Variants in PID1 observed in about 807,000 individuals in gnomAD.
PID1 encodes PTB-containing, cubilin and LRP1-interacting protein.
PID1 carries 10 observed loss-of-function variants against 19.1 expected under a neutral mutation model. The ratio of observed to expected loss-of-function variants is 0.52; its 90% CI spans 0.32 to 0.89. The LOEUF is 0.89. PID1 is among the 40% of genes least tolerant of loss of function. PID1 has a pLI of 0.03. For missense variants in PID1, 248 were observed against 285.3 expected (o/e 0.87, Z 0.94); for synonymous variants, 130 against 116.0 (o/e 1.12, Z -0.78).
chr2:229,266,213 T>C (rs999332996), intron 1 of PID1, among the ~76,000 whole-genome samples: 5 of 152,166 alleles, frequency 3.3e-5, no homozygotes, highest in African/African-American at 1.2e-4. Context: ...ATAATAGCTG[T>C]TGCTTTTTTC....
At chr2:229,081,373 G>A (rs1694666329) in intron 2 of PID1, among the ~76,000 whole-genome samples, 2 of 152,182 alleles carry the variant, frequency 1.3e-5, no homozygotes, top group African/African-American at 4.8e-5. Flanking sequence ...AACATAAAAT[G>A]TACAGTGCTT....
intron 2 of PID1, among the ~76,000 whole-genome samples, chr2:229,142,379 T>C (rs1690033693): frequency 6.6e-6 from 1 of 152,276 alleles, no homozygotes; most frequent in East Asian, 1.9e-4. Flanking sequence ...TGTCCTTCAA[T>C]ATGTATCGCC....
chr2:229,102,489 G>A (rs993406233), intron 2 of PID1, among the ~76,000 whole-genome samples: 1 of 152,150 alleles, frequency 6.6e-6, no homozygotes, highest in Admixed American at 6.5e-5. Flanking sequence ...GGAGGAAAGC[G>A]AGACTTAAGC....
At chr2:229,153,785 A>G (rs1251981979) in intron 2 of PID1, among the ~76,000 whole-genome samples, 1 of 152,138 alleles carries the variant, frequency 6.6e-6, no homozygotes, top group Non-Finnish European at 1.5e-5. Context: ...TTAGATTGCT[A>G]GGTATTTTTA....
chr2:229,033,201 C>T (rs985467454), intron 2 of PID1, among the ~76,000 whole-genome samples: 2 of 152,004 alleles, frequency 1.3e-5, no homozygotes, highest in African/African-American at 4.8e-5. Context: ...AAAAGGGTAA[C>T]GTCAAGGGTT....
chr2:229,150,558 T>C (rs1204984897), intron 2 of PID1, among the ~76,000 whole-genome samples: 1 of 152,230 alleles, frequency 6.6e-6, no homozygotes, highest in Non-Finnish European at 1.5e-5. Flanking sequence ...ATTTCTCTTC[T>C]GGGTTACTTC....
chr2:229,211,473 T>C (rs918577400), intron 1 of PID1, among the ~76,000 whole-genome samples: 3 of 152,200 alleles, frequency 2.0e-5, no homozygotes, highest in African/African-American at 2.4e-5. Context: ...TTAAACAGAC[T>C]ACACGAGTAA....
intron 2 of PID1, among the ~76,000 whole-genome samples, chr2:229,140,111 C>A (rs971088316): frequency 6.6e-6 from 1 of 152,012 alleles, no homozygotes; most frequent in Non-Finnish European, 1.5e-5. Flanking sequence ...ATGTCCACCC[C>A]GGAAGCTACA....
At chr2:229,178,320 G>A (rs969485397) in intron 1 of PID1, among the ~76,000 whole-genome samples, 1 of 152,176 alleles carries the variant, frequency 6.6e-6, no homozygotes, top group Admixed American at 6.5e-5. Flanking sequence ...GAGCTGCTCA[G>A]GACAGGCATC....
At chr2:229,150,103 G>A (rs138545754) in intron 2 of PID1, among the ~76,000 whole-genome samples, 2,088 of 151,910 alleles carry the variant, frequency 0.014, 45 homozygotes, top group African/African-American at 0.045. Context: ...GCCTGGTGGC[G>A]GATGCCTGCA....
chr2:229,047,703 G>A (rs1206258266), intron 2 of PID1, among the ~76,000 whole-genome samples: 6 of 152,164 alleles, frequency 3.9e-5, no homozygotes, highest in Admixed American at 3.9e-4. Flanking sequence ...TTATACACCA[G>A]TTTAGGAAAT....
chr2:229,131,237 T>C (rs911416384), intron 2 of PID1, among the ~76,000 whole-genome samples: 2 of 151,418 alleles, frequency 1.3e-5, no homozygotes, highest in Non-Finnish European at 2.9e-5. Flanking sequence ...TCTTTTCTTC[T>C]CTTTTTTTTT....
chr2:229,255,297 A>C (rs1690262822), intron 1 of PID1, among the ~76,000 whole-genome samples: 1 of 152,162 alleles, frequency 6.6e-6, no homozygotes, highest in Non-Finnish European at 1.5e-5. Context: ...AAATCATCAG[A>C]ATCCTGTAAC....
chr2:229,137,167 G>A (rs1290911493), intron 2 of PID1, among the ~76,000 whole-genome samples: 1 of 152,066 alleles, frequency 6.6e-6, no homozygotes, highest in African/African-American at 2.4e-5. Context: ...AAAATAAACC[G>A]CATTGAGGAA....
chr2:229,027,173 G>C (rs2106161508), intron 2 of PID1, among the ~76,000 whole-genome samples: 2 of 152,228 alleles, frequency 1.3e-5, no homozygotes, highest in East Asian at 3.9e-4. Context: ...TATATTTAGT[G>C]GGACAATACA....
In PID1 at chr2:229,271,050, G is replaced by A; in HGVS notation, c.-7C>T. On this transcript the variant is annotated 5_prime_UTR_variant, in exon 1 of 3. Coordinates refer to ENST00000392055, the MANE Select transcript of PID1 (RefSeq NM_001100818.2). ...CCGTGGCCGGCTGCCACATCTTCCA[G>A]CCCTGGGTTTTGGCAGAGGAGACGC... 6.5e-7 allele frequency: 1 copy of A among 1,545,046 alleles called. No individual in the cohort carries two copies. Among genetic ancestry groups the A allele is most frequent in the Non-Finnish European group, 8.7e-7 (1 of 1,144,972 alleles).
chr2:229,066,615 T>C (rs922866468), intron 2 of PID1, among the ~76,000 whole-genome samples: 1 of 152,144 alleles, frequency 6.6e-6, no homozygotes, highest in African/African-American at 2.4e-5. Flanking sequence ...ATACTTGGGC[T>C]GGATTTGAAA....
At chr2:229,157,898 T>A (rs1050472496) in intron 1 of PID1, among the ~76,000 whole-genome samples, 2 of 152,218 alleles carry the variant, frequency 1.3e-5, no homozygotes, top group Admixed American at 1.3e-4. Flanking sequence ...TCCTTCTCCT[T>A]TCAGTCCTTC....
rs35968488 is a variant in PID1, at chr2:229,029,839, C to CAA, written c.178-3733_178-3732dup. On this transcript the variant is annotated intron_variant, in intron 2 of 2. Transcript: ENST00000392055. ...TGGGTGACAGAGTGACACTCCGTCT[C>CAA]AAAAAAAAAAAAAAACAATTAAAAG... is the stretch of plus-strand genomic sequence containing the variant. 4.5e-3 allele frequency among the ~76,000 whole-genome samples: 510 copies of CAA among 114,012 alleles called. 3 individuals are homozygous for CAA. The highest frequency in any genetic ancestry group is 0.012 in the African/African-American group (372 of 31,192). 74.8% of individuals were successfully genotyped at this position (114,012 alleles called of 152,430 possible).
Sources: gnomAD v4.1 joint callset for allele counts (sites outside exome capture counted in the v4.1 genomes callset) on GRCh38, gnomAD v4.1.1 for gene constraint, MANE v1.5 for transcripts, NCBI Gene and HGNC (gene_info 2026-07-23, HGNC 2026-07-21) for gene names.